The following CAAP1 variants were observed in gnomAD, a reference collection of about 807,000 sequenced individuals.
CAAP1 encodes conserved anti-apoptotic protein.
CAAP1 carries 20 observed loss-of-function variants against 34.0 expected under a neutral mutation model. The observed-to-expected ratio is 0.59, with a 90% CI of 0.41 to 0.86. The LOEUF is 0.86. Ranked by LOEUF, CAAP1 falls within the 40% of genes least tolerant of loss-of-function variation. CAAP1 has a pLI of 0.00. For synonymous variants in CAAP1, 213 were observed against 166.7 expected (o/e 1.28, Z -2.14); for missense variants, 538 against 450.5 (o/e 1.19, Z -1.76).
intron 4 of CAAP1, among the ~76,000 whole-genome samples, chr9:26,872,161 T>C (rs946996574): frequency 6.6e-6 from 1 of 152,174 alleles, no homozygotes; most frequent in African/African-American, 2.4e-5. Context: ...GCCAAAGGAA[T>C]AGCCAGTATT....
intron 4 of CAAP1, among the ~76,000 whole-genome samples, chr9:26,869,062 T>C (rs1823209640): frequency 6.6e-6 from 1 of 152,026 alleles, no homozygotes; most frequent in Admixed American, 6.6e-5. Flanking sequence ...ATACTGAAAA[T>C]ACTATAAGAA....
chr9:26,871,889 G>A (rs999627871), intron 4 of CAAP1, among the ~76,000 whole-genome samples: 2 of 150,770 alleles, frequency 1.3e-5, no homozygotes, highest in Admixed American at 1.3e-4. Flanking sequence ...ACTCCAGCCT[G>A]GGCGACAGAG....
Position 26,842,548 on chromosome 9 carries a change from G to A in CAAP1, c.839C>T (p.Pro280Leu). ...CNEEAAAPEA[P>L]ENTVQSEAGQ... ...AGCTTCACTTTGGACTGTATTTTCT[G>A]GTGCCTCGGGAGCAGCTGCTTCTTC... Residue 280 changes from proline to leucine, a missense_variant, in exon 6 of 6, where the codon CCA (proline) becomes CTA (leucine). Transcript: ENST00000333916. 1 of 1,614,112 alleles carries A rather than the reference G, an allele frequency of 6.2e-7. No individual in the cohort carries two copies. Among genetic ancestry groups the A allele is most frequent in the South Asian group, 1.1e-5 (1 of 91,074 alleles).
intron 1 of CAAP1, among the ~76,000 whole-genome samples, chr9:26,891,330 T>G (rs998244321): frequency 6.6e-6 from 1 of 152,168 alleles, no homozygotes; most frequent in South Asian, 2.1e-4. Flanking sequence ...GTCTGGCAAT[T>G]TTTTTAAAAA....
intron 4 of CAAP1, among the ~76,000 whole-genome samples, chr9:26,864,729 T>A (rs1823090514): frequency 6.6e-6 from 1 of 152,232 alleles, no homozygotes; most frequent in Admixed American, 6.5e-5. Context: ...TATCCCCATA[T>A]TACTGTTTTA....
At chr9:26,856,525 G>A (rs1203967192) in intron 5 of CAAP1, among the ~76,000 whole-genome samples, 1 of 152,198 alleles carries the variant, frequency 6.6e-6, no homozygotes, top group East Asian at 1.9e-4. Flanking sequence ...CTTAAAACCT[G>A]ACAGCTAGAA....
chr9:26,860,069 A>C (rs1479693260), intron 5 of CAAP1, among the ~76,000 whole-genome samples: 2 of 152,326 alleles, frequency 1.3e-5, no homozygotes, highest in East Asian at 3.9e-4. Flanking sequence ...AACTATTCTA[A>C]GCCATCAAAG....
chr9:26,849,898 G>C (rs1822704584), intron 5 of CAAP1, among the ~76,000 whole-genome samples: 1 of 151,628 alleles, frequency 6.6e-6, no homozygotes, highest in African/African-American at 2.4e-5. Flanking sequence ...GAGTGCAGTG[G>C]CATGATCTCG....
chr9:26,891,848 C>T (rs1823910983), intron 1 of CAAP1, among the ~76,000 whole-genome samples: 1 of 152,176 alleles, frequency 6.6e-6, no homozygotes, highest in Non-Finnish European at 1.5e-5. Flanking sequence ...TTTAAAGTAC[C>T]TATTCATTCA....
chr9:26,861,743 C>T (rs1410495449), intron 4 of CAAP1, among the ~76,000 whole-genome samples: 1 of 152,102 alleles, frequency 6.6e-6, no homozygotes, highest in East Asian at 1.9e-4. Context: ...GCAAAAAGGT[C>T]AAGAAATTAT....
Position 26,886,179 on chromosome 9 carries a change from T to C in CAAP1, c.514A>G (p.Ile172Val), listed in dbSNP as rs768195035. 1.7e-5 allele frequency: 27 copies of C among 1,546,278 alleles called. No individual in the cohort carries two copies. The South Asian group carries it at 2.6e-4, about 15-fold the overall frequency. The change falls in exon 3 of 6, where the codon ATA becomes GTA. Residue 172 changes from isoleucine to valine, a missense_variant. Physicochemically the swap from Ile to Val is conservative, Grantham distance 29 (BLOSUM62 3). Coordinates refer to ENST00000333916, the MANE Select transcript of CAAP1 (RefSeq NM_024828.4). ...TGGCATAGTTTTTTAATTTCTTCTA[T>C]TGAACAGTTCTAAAGGAAATGACAT... The part of the protein sequence containing the change: ...MLPDVLKNCS[I>V]EEIKKLCQEQ...
intron 3 of CAAP1, 103 bp downstream of exon 3, chr9:26,886,001 T>C (rs1359503574): frequency 2.0e-6 from 1 of 496,186 alleles, no homozygotes. Context: ...AACAACCCAA[T>C]AATGAAATTA....
chr9:26,892,468 TCGCTGCGCTCCACGCTGCTCC>T lies in CAAP1; in HGVS notation c.227_247del (p.Gly76_Ser82del). The T allele has an allele frequency of 6.4e-7, 1 of 1,567,332 alleles. No individual in the cohort carries two copies. Among genetic ancestry groups the T allele is most frequent in the East Asian group, 2.4e-5 (1 of 41,972 alleles). ...GTCGGTACTCCTCCGCTTCCGGCGC[TCGCTGCGCTCCACGCTGCTCC>T]CGCCCCAACAGCTGCCGCCGCTCCC... On this transcript the variant is annotated inframe_deletion, in exon 1 of 6. Transcript: ENST00000333916.
intron 5 of CAAP1, among the ~76,000 whole-genome samples, chr9:26,854,932 A>C (rs1212110926): frequency 1.3e-5 from 2 of 152,220 alleles, no homozygotes; most frequent in Non-Finnish European, 2.9e-5. Context: ...ACTCTCATTC[A>C]TTGTCAGTGG....
At position 26,842,187 on chromosome 9, in the gene CAAP1, C is replaced by A; in HGVS notation, c.*114G>T. ...AGGTAATTTAGGGCTAAAATGAGTC[C>A]TAATAAGGGTTACATGAGAAATAAC... On this transcript the variant is annotated 3_prime_UTR_variant, in exon 6 of 6. Coordinates refer to ENST00000333916, the MANE Select transcript of CAAP1 (RefSeq NM_024828.4). 1 of 787,206 alleles carries A rather than the reference C, an allele frequency of 1.3e-6. No homozygotes were observed. The highest frequency in any genetic ancestry group is 2.0e-6 in the Non-Finnish European group (1 of 512,604). 48.8% of individuals were successfully genotyped at this position (787,206 alleles called of 1,614,324 possible).
At chr9:26,867,314 T>A (rs924495735) in intron 4 of CAAP1, among the ~76,000 whole-genome samples, 2 of 152,288 alleles carry the variant, frequency 1.3e-5, no homozygotes, top group Non-Finnish European at 2.9e-5. Context: ...TATGCTTCTA[T>A]CATATAGTCT....
intron 5 of CAAP1, among the ~76,000 whole-genome samples, chr9:26,846,365 G>A (rs1161094653): frequency 1.9e-4 from 26 of 139,006 alleles, no homozygotes; most frequent in African/African-American, 2.7e-5. Flanking sequence ...GCAGTGAGCC[G>A]AGATTGCGCC....
At position 26,880,256 on chromosome 9, in the gene CAAP1, C is replaced by T. The variant is rs139947405; in HGVS notation, c.665+4554G>A. 1.6e-4 allele frequency: 66 copies of T among 410,938 alleles called. 1 individual carries two copies. Among genetic ancestry groups the T allele is most frequent in the African/African-American group, 1.2e-3 (58 of 48,478 alleles). The allele number at this position is 410,938 out of a possible 1,614,324, so 25.5% of individuals were successfully genotyped here. A position where few individuals can be genotyped will look rare whatever the true frequency, so the allele number is the denominator to read the frequency against. On this transcript the variant is annotated intron_variant, in intron 4 of 5. Coordinates refer to ENST00000333916, the MANE Select transcript of CAAP1 (RefSeq NM_024828.4). Reference sequence around the variant, plus strand: ...CTTCAAAAAGGACAACCAGATAGGCCTCACTTGCCTCCCGCAAAGCACCAA... The same window carrying T: ...CTTCAAAAAGGACAACCAGATAGGCTTCACTTGCCTCCCGCAAAGCACCAA...
At chr9:26,876,924 T>C (rs1291418891) in intron 4 of CAAP1, among the ~76,000 whole-genome samples, 1 of 151,930 alleles carries the variant, frequency 6.6e-6, no homozygotes, top group Admixed American at 6.6e-5. Flanking sequence ...GAGTCCAAGG[T>C]GGGAAGATCA....
Sources: allele counts gnomAD v4.1 joint callset (sites outside exome capture counted in the v4.1 genomes callset), GRCh38; gene constraint gnomAD v4.1.1; transcripts MANE v1.5; gene names NCBI Gene and HGNC (gene_info 2026-07-23, HGNC 2026-07-21).